VCAN: variants seen among roughly 807,000 people sequenced by gnomAD.
VCAN encodes the protein versican.
Under a neutral mutation model 245.5 loss-of-function variants are expected in VCAN, and 44 were observed. The observed-to-expected ratio is 0.18, with a 90% CI of 0.14 to 0.23. VCAN has a LOEUF of 0.23. Among genes scored for constraint, VCAN ranks in the 10% least tolerant of loss-of-function variants. The probability of loss-of-function intolerance (pLI) is 1.00; values close to 1 mark genes in which losing one functional copy is unlikely to be tolerated. For missense variants in VCAN, 3,793 were observed against 4,057.9 expected (o/e 0.93, Z 1.77); for synonymous variants, 1,413 against 1,437.0 (o/e 0.98, Z 0.38).
chr5:83,567,596 G>T (rs950752851), intron 12 of VCAN, among the ~76,000 whole-genome samples: 2 of 152,132 alleles, frequency 1.3e-5, no homozygotes, highest in East Asian at 3.9e-4. Flanking sequence ...CACTGCACCC[G>T]GCAACTCTTT....
intron 9 of VCAN, among the ~76,000 whole-genome samples, chr5:83,547,560 G>C (rs924503423): frequency 1.3e-5 from 2 of 152,156 alleles, no homozygotes; most frequent in African/African-American, 4.8e-5. Context: ...TAGATACTTT[G>C]AGTAGTCCAT....
At chr5:83,530,336 G>A (rs1344432370) in intron 7 of VCAN, among the ~76,000 whole-genome samples, 1 of 151,414 alleles carries the variant, frequency 6.6e-6, no homozygotes, top group Non-Finnish European at 1.5e-5. Flanking sequence ...CTGTCTTTTT[G>A]TTGTTGTCAA....
chr5:83,484,892 C>A (rs1363097628), intron 2 of VCAN, among the ~76,000 whole-genome samples: 1 of 152,126 alleles, frequency 6.6e-6, no homozygotes, highest in Non-Finnish European at 1.5e-5. Context: ...CAGCCAAGAC[C>A]TGTCTGTAAG....
intron 12 of VCAN, among the ~76,000 whole-genome samples, chr5:83,570,828 T>C: frequency 9.1e-6 from 1 of 109,332 alleles, no homozygotes; most frequent in African/African-American, 3.3e-5. Flanking sequence ...ACCTTCCCTT[T>C]TTTTTTTTTT....
chr5:83,516,018 G>T (rs550883081), intron 6 of VCAN, among the ~76,000 whole-genome samples: 1 of 152,296 alleles, frequency 6.6e-6, no homozygotes, highest in Non-Finnish European at 1.5e-5. Flanking sequence ...GGATCATGAG[G>T]TCAGGAGATC....
chr5:83,564,323 C>T (rs760613815), intron 12 of VCAN, among the ~76,000 whole-genome samples: 5 of 152,000 alleles, frequency 3.3e-5, no homozygotes, highest in Admixed American at 2.0e-4. Context: ...ACCTAGTGGT[C>T]GTATTGTATT....
intron 12 of VCAN, among the ~76,000 whole-genome samples, chr5:83,564,679 A>ATTTTT (rs1748006318): frequency 7.1e-6 from 1 of 140,394 alleles, no homozygotes. Flanking sequence ...GGTTTTTTAG[A>ATTTTT]TGTTTTTTTT....
At chr5:83,577,838 G>A (rs997660062) in intron 13 of VCAN, among the ~76,000 whole-genome samples, 7 of 152,130 alleles carry the variant, frequency 4.6e-5, no homozygotes, top group African/African-American at 1.2e-4. Flanking sequence ...AAGCATATGT[G>A]TGTAAATCTC....
At chr5:83,576,271 A>G (rs1436430157) in intron 13 of VCAN, among the ~76,000 whole-genome samples, 3 of 152,038 alleles carry the variant, frequency 2.0e-5, no homozygotes, top group Non-Finnish European at 4.4e-5. Context: ...CTAAACAATA[A>G]ATTATTTAGT....
chr5:83,504,592 G>A (rs1326630548), intron 5 of VCAN, among the ~76,000 whole-genome samples: 1 of 152,052 alleles, frequency 6.6e-6, no homozygotes, highest in Non-Finnish European at 1.5e-5. Flanking sequence ...ATGTTGGCCA[G>A]TCTGGTCTCA....
In VCAN at chr5:83,489,733, G is replaced by T. The variant is rs189669483; in HGVS notation, c.71-365G>T. Among the ~76,000 whole-genome samples, 3 of 151,144 alleles carry T rather than the reference G, an allele frequency of 2.0e-5. No individual in the cohort carries two copies. In the East Asian group the frequency reaches 5.8e-4, roughly 29 times the overall value. ...TCTTTCAGCTGCTCTTCCTAATGTT[G>T]GTCCAGTCCTTTAAACCTGCCCTAC... is the stretch of plus-strand genomic sequence containing the variant. On this transcript the variant is annotated intron_variant, in intron 2 of 14. Coordinates refer to ENST00000265077, the MANE Select transcript of VCAN (RefSeq NM_004385.5).
chr5:83,566,120 C>A (rs575251754), intron 12 of VCAN, among the ~76,000 whole-genome samples: 1 of 151,778 alleles, frequency 6.6e-6, no homozygotes, highest in African/African-American at 2.4e-5. Context: ...CCATGCCTGG[C>A]CAATTTTTTT....
chr5:83,508,921 A>G (rs1290600359), intron 5 of VCAN, among the ~76,000 whole-genome samples: 1 of 152,186 alleles, frequency 6.6e-6, no homozygotes, highest in African/African-American at 2.4e-5. Flanking sequence ...AAGCTGAGGC[A>G]AGGAGGATTG....
At chr5:83,570,133 G>A (rs1466904010) in intron 12 of VCAN, among the ~76,000 whole-genome samples, 1 of 152,028 alleles carries the variant, frequency 6.6e-6, no homozygotes, top group Non-Finnish European at 1.5e-5. Context: ...CAGTGAGTGT[G>A]GTCCCTTGAG....
intron 5 of VCAN, among the ~76,000 whole-genome samples, chr5:83,509,635 C>A (rs569062981): frequency 6.6e-6 from 1 of 152,276 alleles, no homozygotes; most frequent in Non-Finnish European, 1.5e-5. Flanking sequence ...TCAGGAAATG[C>A]AGGAAACTAA....
intron 12 of VCAN, among the ~76,000 whole-genome samples, chr5:83,561,380 A>AC (rs1194243916): frequency 2.0e-5 from 3 of 151,950 alleles, no homozygotes; most frequent in African/African-American, 4.8e-5. Flanking sequence ...TAAAAAAAAA[A>AC]CTAATTGATA....
chr5:83,521,850 T>C lies in VCAN; in HGVS notation c.3544T>C (p.Ser1182Pro). Reference protein sequence around the residue: ...KTSLEDIDLGSGLFEKPKATE... With the variant: ...KTSLEDIDLGPGLFEKPKATE... ...ATCCCTAGAGGATATTGATTTAGGC[T>C]CAGGATTATTTGAAAAGCCCAAAGC... Residue 1182 changes from serine (S) to proline (P), a missense_variant, in exon 7 of 15, where the codon TCA (serine) becomes CCA (proline). Ser to Pro is a moderately conservative substitution (Grantham distance 74). This residue lies in a region of VCAN where 3,182 missense variants were observed against 3,250.3 expected (regional missense o/e 0.98). Coordinates refer to ENST00000265077, the MANE Select transcript of VCAN (RefSeq NM_004385.5). 2 of 1,614,154 alleles carry C rather than the reference T, an allele frequency of 1.2e-6. No homozygotes were observed. The highest frequency in any genetic ancestry group is 8.5e-7 in the Non-Finnish European group (1 of 1,180,028).
rs1239113553 is a variant in VCAN, at chr5:83,548,094, A to T, written c.9493+10A>T. The T allele has an allele frequency of 1.3e-6, 2 of 1,598,672 alleles. No individual in the cohort carries two copies. On this transcript the variant is annotated intron_variant, in intron 10 of 14. Transcript: ENST00000265077. ...GCACTTTGTGAGCAAGGTAAGAGCTATTGCAACATTTGTATGATGAACATT... is the reference window on the plus strand; with the variant it reads ...GCACTTTGTGAGCAAGGTAAGAGCTTTTGCAACATTTGTATGATGAACATT...
At chr5:83,506,835 C>T (rs1331182481) in intron 5 of VCAN, among the ~76,000 whole-genome samples, 1 of 152,146 alleles carries the variant, frequency 6.6e-6, no homozygotes, top group Non-Finnish European at 1.5e-5. Flanking sequence ...AGGTGAAAGG[C>T]ACTTCTTACA....
Sources: gnomAD v4.1 joint callset for allele counts (sites outside exome capture counted in the v4.1 genomes callset) on GRCh38, gnomAD v4.1.1 for gene constraint, gnomAD v4.1.1 regional missense constraint, MANE v1.5 for transcripts, NCBI Gene and HGNC (gene_info 2026-07-23, HGNC 2026-07-21) for gene names.